The following PTPRN2 variants were observed in gnomAD, a reference collection of about 807,000 sequenced individuals.
PTPRN2 encodes the protein receptor-type tyrosine-protein phosphatase N2.
A neutral mutation model predicts 118.8 loss-of-function variants in PTPRN2; 74 were observed. The ratio of observed to expected loss-of-function variants is 0.62; its 90% confidence interval spans 0.52 to 0.76. The LOEUF is 0.76. Among genes scored for constraint, PTPRN2 ranks in the 30% least tolerant of loss-of-function variants. The pLI, the probability that PTPRN2 is intolerant of heterozygous loss-of-function variation, is 0.00. For missense variants in PTPRN2, 1,481 were observed against 1,394.4 expected, an observed-to-expected ratio of 1.06 and a Z score of -0.99; for synonymous variants, 641 against 608.0, an observed-to-expected ratio of 1.05 and a Z score of -0.80.
chr7:157,680,374 TA>T (rs35637101), intron 13 of PTPRN2, among the ~76,000 whole-genome samples: 62,542 of 152,160 alleles, frequency 0.41, 14,071 homozygotes, highest in Non-Finnish European at 0.52. Flanking sequence ...TGCAATATTT[TA>T]AAAAACTTTT....
At chr7:157,971,564 T>C (rs1424673273) in intron 11 of PTPRN2, among the ~76,000 whole-genome samples, 1 of 152,182 alleles carries the variant, frequency 6.6e-6, no homozygotes, top group African/African-American at 2.4e-5. Flanking sequence ...CCCTGGAACG[T>C]TCCCCAGCAA....
chr7:158,351,166 G>A (rs1355270747), intron 2 of PTPRN2, among the ~76,000 whole-genome samples: 1 of 152,192 alleles, frequency 6.6e-6, no homozygotes, highest in Non-Finnish European at 1.5e-5. Flanking sequence ...TCGCCACCTC[G>A]AGGGCACGGG....
In PTPRN2 at chr7:157,813,728, C is replaced by T. The variant is rs1456554591; in HGVS notation, c.1788+84945G>A. On this transcript the variant is annotated intron_variant, in intron 12 of 22. Transcript: ENST00000389418. The surrounding 1 kb of genome is among the most constrained non-coding windows in gnomAD (Gnocchi z 4.7). ...TTTTAATTAGCAGCTGCCCCGAGTG[C>T]TCCAGCTGCCCTGCGTGTGGCTGTC... Among the ~76,000 whole-genome samples the T allele has an allele frequency of 6.6e-6, 1 of 152,228 alleles. No homozygotes were observed. Among genetic ancestry groups the T allele is most frequent in the Non-Finnish European group, 1.5e-5 (1 of 68,048 alleles).
intron 1 of PTPRN2, among the ~76,000 whole-genome samples, chr7:158,531,762 C>T (rs1420797426): frequency 2.0e-5 from 3 of 152,170 alleles, no homozygotes; most frequent in African/African-American, 2.4e-5. Flanking sequence ...CCAGGCTCGA[C>T]GCCCTCACCC....
chr7:157,770,005 G>A (rs970960588), intron 12 of PTPRN2, among the ~76,000 whole-genome samples: 4 of 152,178 alleles, frequency 2.6e-5, no homozygotes, highest in African/African-American at 9.7e-5. Context: ...CCGCATCCAC[G>A]CTTGGCCCCA....
chr7:158,226,336 G>T (rs1226310940), intron 3 of PTPRN2, among the ~76,000 whole-genome samples: 6 of 152,344 alleles, frequency 3.9e-5, no homozygotes, highest in South Asian at 2.1e-4. Flanking sequence ...GGAGAACAAG[G>T]TGTCAAGGTT....
At chr7:157,943,192 C>T (rs757176974) in intron 11 of PTPRN2, among the ~76,000 whole-genome samples, 7 of 152,176 alleles carry the variant, frequency 4.6e-5, no homozygotes, top group Non-Finnish European at 1.0e-4. Context: ...GCCTCGAAGC[C>T]GCATCCTCGC....
rs1585120597 is a variant in PTPRN2 at position 157,618,772 on chromosome 7, T to A, written c.2344+2590A>T. 1 of 152,212 alleles carries A rather than the reference T, an allele frequency of 6.6e-6. No homozygotes were observed. The highest frequency in any genetic ancestry group is 2.1e-4 in the South Asian group (1 of 4,828). The allele number at this position is 152,212 out of a possible 1,614,324, so 9.4% of individuals were successfully genotyped here. ...ATAAACCTATGTGTTCATGAAAATATTTCTATCTAGGGTTCTCCCAGGAGG... is the reference window on the plus strand; with the variant it reads ...ATAAACCTATGTGTTCATGAAAATAATTCTATCTAGGGTTCTCCCAGGAGG... On this transcript the variant is annotated intron_variant, in intron 15 of 22. Transcript: ENST00000389418. The surrounding 1 kb of genome is among the most constrained non-coding windows in gnomAD (Gnocchi z 4.2).
chr7:158,142,387 C>T (rs79717697), intron 6 of PTPRN2, among the ~76,000 whole-genome samples: 15,179 of 152,294 alleles, frequency 0.1, 834 homozygotes, highest in African/African-American at 0.14. Context: ...GCTGGCGCAT[C>T]CCTGTATCGA....
intron 2 of PTPRN2, among the ~76,000 whole-genome samples, chr7:158,369,038 G>C (rs1271957454): frequency 6.6e-6 from 1 of 152,094 alleles, no homozygotes; most frequent in African/African-American, 2.4e-5. Context: ...TCAGTCGCTG[G>C]CATGGCCAGA....
rs191837954 is a variant in PTPRN2 at position 158,272,576 on chromosome 7, G to A, written c.277+44243C>T. 2.7e-3 allele frequency among the ~76,000 whole-genome samples: 410 copies of A among 152,220 alleles called. 1 individual carries two copies. Among genetic ancestry groups the A allele is most frequent in the African/African-American group, 9.1e-3 (378 of 41,534 alleles). ...AACGGCAGCCCACCTCAAAGACACC[G>A]CACGCGGCCCACCTGCCTTGCACCC... On this transcript the variant is annotated intron_variant, in intron 3 of 22. Coordinates refer to ENST00000389418, the MANE Select transcript of PTPRN2 (RefSeq NM_002847.5).
intron 12 of PTPRN2, among the ~76,000 whole-genome samples, chr7:157,786,967 A>G (rs1199395027): frequency 1.3e-5 from 2 of 152,070 alleles, no homozygotes; most frequent in Non-Finnish European, 2.9e-5. Context: ...TGTAGGTCCC[A>G]TGGCCTGAGG....
chr7:158,440,796 GGTAGTGGTGATGGTGGTA>G (rs1563294441), intron 2 of PTPRN2, among the ~76,000 whole-genome samples: 84 of 133,476 alleles, frequency 6.3e-4, no homozygotes, highest in African/African-American at 2.5e-3. Context: ...TGATGGGGGT[GGTAGTGGTGATGGTGGTA>G]GTAGTAGTGG....
intron 3 of PTPRN2, among the ~76,000 whole-genome samples, chr7:158,274,164 C>A (rs192311162): frequency 0.028 from 1,020 of 36,812 alleles, no homozygotes; most frequent in Admixed American, 0.043. Context: ...ACAGGGGGAG[C>A]CGCAGACACA....
At chr7:158,186,456 G>A (rs1362919451) in intron 5 of PTPRN2, among the ~76,000 whole-genome samples, 8 of 152,316 alleles carry the variant, frequency 5.3e-5, no homozygotes, top group African/African-American at 1.9e-4. Context: ...ACCTGCAGGA[G>A]GTGTCTCCTG....
chr7:158,091,974 ATGGT>A (rs1187092107), intron 10 of PTPRN2, among the ~76,000 whole-genome samples: 5 of 36,460 alleles, frequency 1.4e-4, no homozygotes, highest in African/African-American at 4.4e-4. Context: ...GGGTAGAGAG[ATGGT>A]TGGTTGGGTG....
intron 1 of PTPRN2, among the ~76,000 whole-genome samples, chr7:158,528,613 C>A (rs529245180): frequency 6.6e-6 from 1 of 150,602 alleles, no homozygotes; most frequent in South Asian, 2.1e-4. Context: ...GGTGAAACCC[C>A]GTCTCTACTA....
At chr7:158,126,634 G>A (rs1479818615) in intron 9 of PTPRN2, among the ~76,000 whole-genome samples, 2 of 109,536 alleles carry the variant, frequency 1.8e-5, no homozygotes, top group Non-Finnish European at 1.8e-5. Context: ...GAGAGCGGGC[G>A]GCGGAACTTC....
At chr7:157,592,029 C>T (rs1322539181) in intron 17 of PTPRN2, among the ~76,000 whole-genome samples, 1 of 152,196 alleles carries the variant, frequency 6.6e-6, no homozygotes, top group South Asian at 2.1e-4. Flanking sequence ...AAGCTGTGAC[C>T]AGGTTGAGGG....
Sources: gnomAD v4.1 joint callset for allele counts (sites outside exome capture counted in the v4.1 genomes callset) on GRCh38, gnomAD v4.1.1 for gene constraint, Gnocchi (gnomAD v3.1) non-coding constraint, MANE v1.5 for transcripts, NCBI Gene and HGNC (gene_info 2026-07-23, HGNC 2026-07-21) for gene names.